DKK2: variants seen among roughly 807,000 people sequenced by gnomAD.
DKK2 encodes the protein dickkopf-related protein 2.
In DKK2, 11 loss-of-function variants were observed where a neutral mutation model predicts 28.1. That is an observed-to-expected ratio of 0.39 (90% CI 0.25 to 0.65). The LOEUF is 0.65. DKK2 is among the 30% of genes least tolerant of loss of function. The pLI is 0.47. For synonymous variants in DKK2, 135 were observed against 126.5 expected, an observed-to-expected ratio of 1.07 and a Z score of -0.45; for missense variants, 326 against 335.5, an observed-to-expected ratio of 0.97 and a Z score of 0.22.
intron 1 of DKK2, among the ~76,000 whole-genome samples, chr4:106,935,576 C>G (rs941321261): frequency 6.6e-6 from 1 of 152,194 alleles, no homozygotes; most frequent in African/African-American, 2.4e-5. Flanking sequence ...CTTAGATAAC[C>G]AAAGCAGCCT....
chr4:106,985,536 TG>T (rs1477096781), intron 1 of DKK2, among the ~76,000 whole-genome samples: 2 of 151,930 alleles, frequency 1.3e-5, no homozygotes, highest in African/African-American at 4.8e-5. Context: ...GGGCCAGGCA[TG>T]GTGGCTCAGG....
chr4:106,995,418 G>A (rs1028879010), intron 1 of DKK2, among the ~76,000 whole-genome samples: 1 of 152,038 alleles, frequency 6.6e-6, no homozygotes. Context: ...AAGTCTCAAT[G>A]TTCTGTTGTT....
intron 1 of DKK2, among the ~76,000 whole-genome samples, chr4:106,986,315 A>G (rs1222784488): frequency 6.6e-6 from 1 of 152,170 alleles, no homozygotes; most frequent in Non-Finnish European, 1.5e-5. Context: ...TTTATTAAAG[A>G]TTTCTGAGAG....
At chr4:106,971,555 C>T (rs1722868773) in intron 1 of DKK2, among the ~76,000 whole-genome samples, 1 of 152,026 alleles carries the variant, frequency 6.6e-6, no homozygotes, top group Non-Finnish European at 1.5e-5. Context: ...GCTTTAAAGT[C>T]TTCTGAAAAA....
chr4:107,009,958 A>C, intron 1 of DKK2, among the ~76,000 whole-genome samples: 1 of 151,788 alleles, frequency 6.6e-6, no homozygotes, highest in East Asian at 1.9e-4. Context: ...ACTGTGCCTC[A>C]ATTCCTCAAA....
chr4:107,026,251 T>TATTAAAATATTCAA (rs1361638827), intron 1 of DKK2, among the ~76,000 whole-genome samples: 1 of 152,210 alleles, frequency 6.6e-6, no homozygotes, highest in East Asian at 1.9e-4. Context: ...CTTACTTGGT[T>TATTAAAATATTCAA]ATTAAAATAT....
At chr4:107,005,660 G>T (rs1723428182) in intron 1 of DKK2, among the ~76,000 whole-genome samples, 3 of 152,034 alleles carry the variant, frequency 2.0e-5, no homozygotes, top group African/African-American at 4.8e-5. Flanking sequence ...TTCTGAACTT[G>T]CAATTAAAGA....
chr4:107,023,470 C>G (rs1278799414), intron 1 of DKK2, among the ~76,000 whole-genome samples: 1 of 151,972 alleles, frequency 6.6e-6, no homozygotes, highest in Non-Finnish European at 1.5e-5. Flanking sequence ...TAATGAATAT[C>G]AGGCATTAGA....
At chr4:106,976,896 T>C (rs959557629) in intron 1 of DKK2, among the ~76,000 whole-genome samples, 2 of 152,204 alleles carry the variant, frequency 1.3e-5, no homozygotes, top group Non-Finnish European at 2.9e-5. Context: ...TATTCCATAT[T>C]GAGTGCTTTT....
intron 1 of DKK2, among the ~76,000 whole-genome samples, chr4:106,945,872 CTA>C (rs1724768681): frequency 6.6e-6 from 1 of 152,142 alleles, no homozygotes; most frequent in South Asian, 2.1e-4. Context: ...ACATTTCTCA[CTA>C]GAGTTCAGTA....
At chr4:106,986,929 C>T (rs1723128647) in intron 1 of DKK2, among the ~76,000 whole-genome samples, 1 of 152,184 alleles carries the variant, frequency 6.6e-6, no homozygotes, top group Non-Finnish European at 1.5e-5. Context: ...AAATTAAATA[C>T]TTTATCCCAC....
intron 1 of DKK2, among the ~76,000 whole-genome samples, chr4:106,934,267 A>C (rs934806611): frequency 1.3e-5 from 2 of 152,214 alleles, no homozygotes; most frequent in Non-Finnish European, 2.9e-5. Flanking sequence ...AGTATTACCT[A>C]TTAAAATTAA....
chr4:106,954,852 G>A (rs756323186), intron 1 of DKK2, among the ~76,000 whole-genome samples: 6 of 152,124 alleles, frequency 3.9e-5, no homozygotes, highest in Non-Finnish European at 7.4e-5. Flanking sequence ...ACAGAGAAAA[G>A]CAGGTCTTTG....
chr4:106,934,433 CTTTA>C (rs752404100), intron 1 of DKK2, among the ~76,000 whole-genome samples: 29 of 152,074 alleles, frequency 1.9e-4, no homozygotes, highest in Non-Finnish European at 3.5e-4. Context: ...ACTGAAGTTT[CTTTA>C]TTAAAAATTG....
At chr4:106,962,307 T>C (rs1435494459) in intron 1 of DKK2, among the ~76,000 whole-genome samples, 1 of 151,988 alleles carries the variant, frequency 6.6e-6, no homozygotes, top group East Asian at 1.9e-4. Context: ...AAAAAATAAA[T>C]CCAAAATTTA....
intron 1 of DKK2, among the ~76,000 whole-genome samples, chr4:106,985,150 A>G (rs948102083): frequency 1.3e-5 from 2 of 150,000 alleles, no homozygotes; most frequent in Admixed American, 6.7e-5. Flanking sequence ...CAGAGCTTGC[A>G]GTGAGCCAGG....
At chr4:106,930,610 G>A in intron 1 of DKK2, among the ~76,000 whole-genome samples, 1 of 152,172 alleles carries the variant, frequency 6.6e-6, no homozygotes, top group East Asian at 1.9e-4. Flanking sequence ...ATGTGGGATG[G>A]CCACCCATCT....
In DKK2 at chr4:106,923,249, T is replaced by C. The variant is rs1724374142; in HGVS notation, c.*705A>G. 6.6e-6 allele frequency: 1 copy of C among 152,266 alleles called. No homozygotes were observed. The highest frequency in any genetic ancestry group is 1.5e-5 in the Non-Finnish European group (1 of 68,088). The allele number at this position is 152,266 out of a possible 1,614,324, so 9.4% of individuals were successfully genotyped here. ...TGTTTTTGTCTTGTATCAGTTCTTA[T>C]TAATTACAGGTAAAACTAAAATTTT... On this transcript the variant is annotated 3_prime_UTR_variant, in exon 4 of 4. Transcript: ENST00000285311.
rs1277010279 is a variant in DKK2 at position 106,947,931 on chromosome 4, C to G, written c.223-21982G>C. On this transcript the variant is annotated intron_variant, in intron 1 of 3. Coordinates refer to ENST00000285311, the MANE Select transcript of DKK2 (RefSeq NM_014421.3). ...CTCTCGAGTTGCTAGGATTACAGGC[C>G]TGAGCCAACATACTCAGCAAATTAA... 3.9e-5 allele frequency among the ~76,000 whole-genome samples: 6 copies of G among 152,150 alleles called. No individual in the cohort carries two copies. The East Asian group carries it at 1.2e-3, about 29-fold the overall frequency.
Sources: allele counts gnomAD v4.1 joint callset (sites outside exome capture counted in the v4.1 genomes callset), GRCh38; gene constraint gnomAD v4.1.1; transcripts MANE v1.5; gene names NCBI Gene and HGNC (gene_info 2026-07-23, HGNC 2026-07-21).